PDE10A: variants seen among roughly 807,000 people sequenced by gnomAD.
PDE10A encodes cAMP and cAMP-inhibited cGMP 3',5'-cyclic phosphodiesterase 10A.
In PDE10A, 39 loss-of-function variants were observed where a neutral mutation model predicts 97.7. That is an observed-to-expected ratio of 0.40 (90% CI 0.31 to 0.52). PDE10A has a LOEUF of 0.52. PDE10A is among the 20% of genes least tolerant of loss of function. PDE10A has a pLI of 0.56. For missense variants in PDE10A, 731 were observed against 1,047.8 expected (o/e 0.70, Z 4.17); for synonymous variants, 371 against 376.8 (o/e 0.98, Z 0.18).
intron 1 of PDE10A, chr6:165,986,518 TC>T (rs1785226814): frequency 7.8e-6 from 1 of 128,924 alleles, no homozygotes; most frequent in Non-Finnish European, 1.7e-5. Context: ...TCTCTGTCTC[TC>T]TCTCTCTCTC....
At chr6:165,691,109 C>G (rs1209084004) in intron 1 of PDE10A, among the ~76,000 whole-genome samples, 2 of 103,362 alleles carry the variant, frequency 1.9e-5, no homozygotes, top group Admixed American at 9.2e-5. Flanking sequence ...TTCTCTCTCC[C>G]CCCCCCCATC....
intron 1 of PDE10A, among the ~76,000 whole-genome samples, chr6:165,862,786 C>A (rs2128477041): frequency 6.6e-6 from 1 of 151,610 alleles, no homozygotes; most frequent in African/African-American, 2.4e-5. Flanking sequence ...TCAAGCAATT[C>A]TCCTGCCTCA....
intron 5 of PDE10A, among the ~76,000 whole-genome samples, chr6:165,443,907 G>T (rs1217015309): frequency 1.3e-5 from 2 of 152,030 alleles, no homozygotes; most frequent in African/African-American, 4.8e-5. Flanking sequence ...ATGTCCTGGA[G>T]ACATTTTCCC....
chr6:165,796,091 CTTTTTT>C (rs1168771487), intron 1 of PDE10A, among the ~76,000 whole-genome samples: 34 of 108,796 alleles, frequency 3.1e-4, no homozygotes, highest in East Asian at 8.5e-4. Flanking sequence ...TTTTTCTTTT[CTTTTTT>C]TTTTTTTTTT....
At chr6:165,403,711 T>C (rs1786867511) in intron 13 of PDE10A, among the ~76,000 whole-genome samples, 1 of 152,200 alleles carries the variant, frequency 6.6e-6, no homozygotes, top group Non-Finnish European at 1.5e-5. Context: ...TAAAATCAAA[T>C]ACATACTCCA....
chr6:165,927,998 A>G (rs1782998262), intron 1 of PDE10A, among the ~76,000 whole-genome samples: 1 of 150,938 alleles, frequency 6.6e-6, no homozygotes, highest in Non-Finnish European at 1.5e-5. Flanking sequence ...CGCCAGGCTG[A>G]GAATGACATA....
chr6:165,924,373 T>A (rs1431425445), intron 1 of PDE10A, among the ~76,000 whole-genome samples: 1 of 152,122 alleles, frequency 6.6e-6, no homozygotes, highest in Non-Finnish European at 1.5e-5. Flanking sequence ...GTTCCTATGT[T>A]GGATGGAATA....
chr6:165,627,926 G>C (rs1447973360), intron 1 of PDE10A, among the ~76,000 whole-genome samples: 1 of 152,172 alleles, frequency 6.6e-6, no homozygotes, highest in Non-Finnish European at 1.5e-5. Context: ...TACTGGCAAA[G>C]TTGCCTCTGT....
In PDE10A at chr6:165,969,145, C is replaced by G. The variant is rs548419247; in HGVS notation, c.-615+18384G>C. Among the ~76,000 whole-genome samples the G allele has an allele frequency of 4.6e-5, 7 of 152,248 alleles. No individual in the cohort carries two copies. The East Asian group carries it at 1.3e-3, about 29-fold the overall frequency. On this transcript the variant is annotated intron_variant, in intron 1 of 19. Transcript: ENST00000366882. ...GTTTGGAAAAGGAAAGTAAAATTAC[C>G]CTTCTGCAAATCATGTTATGAAGAA...
rs970650311 is a variant in PDE10A at position 165,610,041 on chromosome 6, G to A, written c.865+51906C>T. 6.0e-4 allele frequency among the ~76,000 whole-genome samples: 91 copies of A among 152,308 alleles called. 1 individual carries two copies. Among genetic ancestry groups the A allele is most frequent in the African/African-American group, 2.1e-3 (88 of 41,556 alleles). ...TTCATATGGAACCAAAAAAGAGCCC[G>A]CTTTGCCAAGTCAATCCTAAGCCAA... On this transcript the variant is annotated intron_variant, in intron 1 of 21. Transcript: ENST00000539869.
chr6:165,470,721 T>C (rs561055696), intron 3 of PDE10A, among the ~76,000 whole-genome samples: 2 of 152,284 alleles, frequency 1.3e-5, no homozygotes, highest in East Asian at 3.9e-4. Context: ...GGTAATTAGT[T>C]GTGAAGGAAC....
At chr6:165,678,383 C>T (rs1471171282) in intron 1 of PDE10A, among the ~76,000 whole-genome samples, 4 of 125,506 alleles carry the variant, frequency 3.2e-5, no homozygotes, top group Admixed American at 8.4e-5. Flanking sequence ...TGATTCTTCC[C>T]GTTATGAAGC....
At chr6:165,773,936 C>CT (rs35422736) in intron 1 of PDE10A, among the ~76,000 whole-genome samples, 108 of 148,114 alleles carry the variant, frequency 7.3e-4, no homozygotes, top group Admixed American at 1.1e-3. Flanking sequence ...AGTATTTCAA[C>CT]TTTTTTTTTT....
intron 1 of PDE10A, among the ~76,000 whole-genome samples, chr6:165,975,209 C>T (rs541327062): frequency 4.8e-4 from 73 of 152,294 alleles, no homozygotes; most frequent in African/African-American, 1.7e-3. Flanking sequence ...GACTGAGAGC[C>T]GGGAGGTATT....
chr6:165,968,685 G>A (rs1342475352), intron 1 of PDE10A, among the ~76,000 whole-genome samples: 1 of 152,158 alleles, frequency 6.6e-6, no homozygotes, highest in Non-Finnish European at 1.5e-5. Context: ...ATTTTAAAAT[G>A]TTTTGAAGAT....
At position 165,719,854 on chromosome 6, in the gene PDE10A, A is replaced by C. The variant is rs1419408694; in HGVS notation, c.-614-176286T>G. Among the ~76,000 whole-genome samples the C allele has an allele frequency of 2.6e-5, 4 of 152,264 alleles. No homozygotes were observed. In the East Asian group the frequency reaches 7.7e-4, roughly 29 times the overall value. On this transcript the variant is annotated intron_variant, in intron 1 of 19. Transcript: ENST00000366882. ...TTGCAGGGAAAAGACAAGTTGTACA[A>C]GAGAGAAAAATGGAATCCAAGTACC... is the stretch of plus-strand genomic sequence containing the variant.
chr6:165,336,338 G>A (rs1040277450), intron 20 of PDE10A, 127 bp from the exon 21 acceptor site: 1 of 671,130 alleles, frequency 1.5e-6, no homozygotes, highest in Non-Finnish European at 2.7e-6. Context: ...TTCTAGTTTT[G>A]CTGTATGTGA....
chr6:165,798,974 C>T (rs12215727), intron 1 of PDE10A, among the ~76,000 whole-genome samples: 3 of 152,176 alleles, frequency 2.0e-5, no homozygotes, highest in South Asian at 4.1e-4. Context: ...TCCCAAAGTG[C>T]TGGGATTATA....
At chr6:165,633,671 A>G (rs912616950) in intron 1 of PDE10A, among the ~76,000 whole-genome samples, 2 of 152,168 alleles carry the variant, frequency 1.3e-5, no homozygotes, top group African/African-American at 4.8e-5. Flanking sequence ...CAGGTCACCC[A>G]GGCTGGAGTG....
Sources: allele counts gnomAD v4.1 joint callset (sites outside exome capture counted in the v4.1 genomes callset), GRCh38; gene constraint gnomAD v4.1.1; transcripts MANE v1.5; gene names NCBI Gene and HGNC (gene_info 2026-07-23, HGNC 2026-07-21).